IMMP2L: variants seen among roughly 807,000 people sequenced by gnomAD.
IMMP2L encodes the protein inner mitochondrial membrane peptidase subunit 2.
IMMP2L carries 18 observed loss-of-function variants against 19.3 expected under a neutral mutation model. The observed-to-expected ratio is 0.93, with a 90% CI of 0.64 to 1.38. IMMP2L has a LOEUF of 1.38. Among genes scored for constraint, IMMP2L ranks in the 40% most tolerant of loss-of-function variants. The probability of loss-of-function intolerance (pLI) is 0.00; values close to 1 mark genes in which losing one functional copy is unlikely to be tolerated. For missense variants in IMMP2L, 233 were observed against 218.2 expected (o/e 1.07, Z -0.43); for synonymous variants, 76 against 73.0 (o/e 1.04, Z -0.21).
chr7:111,479,840 T>TTTTA, intron 3 of IMMP2L, among the ~76,000 whole-genome samples: 3 of 152,136 alleles, frequency 2.0e-5, no homozygotes, highest in Non-Finnish European at 4.4e-5. Flanking sequence ...AAACTTATAG[T>TTTTA]TACCTCTCAA....
intron 5 of IMMP2L, among the ~76,000 whole-genome samples, chr7:110,843,189 G>A (rs187940985): frequency 2.0e-5 from 3 of 152,264 alleles, no homozygotes; most frequent in East Asian, 3.9e-4. Flanking sequence ...AAGCCTTATA[G>A]TAAATGTTTA....
chr7:110,878,540 A>G (rs935052656), intron 5 of IMMP2L, among the ~76,000 whole-genome samples: 10 of 141,892 alleles, frequency 7.0e-5, no homozygotes, highest in Non-Finnish European at 1.2e-4. Flanking sequence ...ACTTATTTTC[A>G]TCTACATTTT....
intron 3 of IMMP2L, among the ~76,000 whole-genome samples, chr7:111,425,417 GA>G (rs754753182): frequency 4.0e-5 from 6 of 148,754 alleles, no homozygotes; most frequent in South Asian, 2.1e-4. Context: ...TACCTCAAAA[GA>G]AAAAAAAACT....
chr7:111,051,188 C>G (rs573278475), intron 3 of IMMP2L, among the ~76,000 whole-genome samples: 1 of 152,250 alleles, frequency 6.6e-6, no homozygotes, highest in African/African-American at 2.4e-5. Context: ...TATTTTTATG[C>G]ATTTCCCTGA....
chr7:111,347,363 T>C (rs1282754773), intron 3 of IMMP2L, among the ~76,000 whole-genome samples: 1 of 151,916 alleles, frequency 6.6e-6, no homozygotes, highest in African/African-American at 2.4e-5. Context: ...GAAAGAGAAA[T>C]GCCAGAAGAC....
At chr7:110,787,008 G>A (rs896701920) in intron 5 of IMMP2L, among the ~76,000 whole-genome samples, 2 of 151,772 alleles carry the variant, frequency 1.3e-5, no homozygotes, top group Admixed American at 6.6e-5. Context: ...TTCTTGCTGT[G>A]AAATTACTTT....
chr7:110,666,088 T>C (rs1355796548), intron 5 of IMMP2L, among the ~76,000 whole-genome samples: 2 of 152,202 alleles, frequency 1.3e-5, no homozygotes, highest in East Asian at 1.9e-4. Flanking sequence ...ATTTATCCGT[T>C]TGATGCTCAA....
intron 5 of IMMP2L, among the ~76,000 whole-genome samples, chr7:110,878,502 T>C (rs1004257391): frequency 6.6e-6 from 1 of 152,106 alleles, no homozygotes; most frequent in African/African-American, 2.4e-5. Context: ...TTGGAAAGAC[T>C]TGAAAAAATT....
intron 5 of IMMP2L, among the ~76,000 whole-genome samples, chr7:110,861,357 C>T (rs1055784777): frequency 6.6e-6 from 1 of 151,864 alleles, no homozygotes; most frequent in African/African-American, 2.4e-5. Context: ...TGGCTCACTG[C>T]ATCCTCAAAC....
At chr7:110,753,331 G>A (rs954100457) in intron 5 of IMMP2L, among the ~76,000 whole-genome samples, 13 of 151,888 alleles carry the variant, frequency 8.6e-5, no homozygotes, top group Non-Finnish European at 1.6e-4. Flanking sequence ...GATGACCCAC[G>A]GTGGCTTCCT....
chr7:111,002,995 T>C (rs1823873253), intron 3 of IMMP2L, among the ~76,000 whole-genome samples: 1 of 152,164 alleles, frequency 6.6e-6, no homozygotes, highest in Non-Finnish European at 1.5e-5. Flanking sequence ...TCCTTATATG[T>C]TCTCTGAGGA....
chr7:111,053,037 T>G (rs1793142290), intron 3 of IMMP2L, among the ~76,000 whole-genome samples: 1 of 152,172 alleles, frequency 6.6e-6, no homozygotes, highest in African/African-American at 2.4e-5. Context: ...AATTCTTGCC[T>G]TCTCAGAAGA....
intron 1 of IMMP2L, among the ~76,000 whole-genome samples, chr7:111,536,833 A>C: frequency 6.6e-6 from 1 of 152,184 alleles, no homozygotes; most frequent in Admixed American, 6.5e-5. Flanking sequence ...AGTAAAGCAA[A>C]AAGCTTGTGA....
At chr7:110,972,184 T>C (rs1350784317) in intron 3 of IMMP2L, among the ~76,000 whole-genome samples, 1 of 151,766 alleles carries the variant, frequency 6.6e-6, no homozygotes, top group African/African-American at 2.4e-5. Context: ...AAAAAATACA[T>C]GATGCTTGGG....
chr7:111,317,977 ATTT>A (rs774066522), intron 3 of IMMP2L, among the ~76,000 whole-genome samples: 1 of 152,112 alleles, frequency 6.6e-6, no homozygotes, highest in East Asian at 1.9e-4. Flanking sequence ...TGAAATCTAC[ATTT>A]TTTCAATCTG....
intron 3 of IMMP2L, among the ~76,000 whole-genome samples, chr7:111,037,890 T>C (rs1319929825): frequency 1.3e-5 from 2 of 152,178 alleles, no homozygotes; most frequent in Non-Finnish European, 2.9e-5. Context: ...TGTTTGTAGA[T>C]GACAGTTTTA....
intron 1 of IMMP2L, among the ~76,000 whole-genome samples, chr7:111,547,977 C>T (rs957597201): frequency 2.6e-5 from 4 of 152,134 alleles, no homozygotes; most frequent in Non-Finnish European, 5.9e-5. Flanking sequence ...CTGCCTCAGC[C>T]TCACAAAGTG....
intron 3 of IMMP2L, among the ~76,000 whole-genome samples, chr7:111,480,993 A>G (rs1325288979): frequency 6.6e-6 from 1 of 152,092 alleles, no homozygotes; most frequent in East Asian, 1.9e-4. Flanking sequence ...CAAATGCTCT[A>G]TTCTATTTCA....
chr7:110,963,637 T>A, intron 3 of IMMP2L, 72 bp from the exon 4 acceptor site: 1 of 907,772 alleles, frequency 1.1e-6, no homozygotes, highest in Non-Finnish European at 1.7e-6. Flanking sequence ...AGAAATTCTA[T>A]AACAAAATAG....
Sources: allele counts gnomAD v4.1 joint callset (sites outside exome capture counted in the v4.1 genomes callset), GRCh38; gene constraint gnomAD v4.1.1; transcripts MANE v1.5; gene names NCBI Gene and HGNC (gene_info 2026-07-23, HGNC 2026-07-21).